Variants in OSBP observed in about 807,000 individuals in gnomAD.
The protein encoded by OSBP is oxysterol-binding protein 1.
In OSBP, 32 loss-of-function variants were observed where a neutral mutation model predicts 96.6. That is an observed-to-expected ratio of 0.33 (90% CI 0.25 to 0.45). OSBP has a LOEUF of 0.45. Ranked by LOEUF, OSBP falls within the 20% of genes least tolerant of loss-of-function variation. The pLI is 1.00. For synonymous variants in OSBP, 369 were observed against 389.6 expected (o/e 0.95, Z 0.62); for missense variants, 653 against 1,029.7 (o/e 0.63, Z 5.01).
At position 59,576,808 on chromosome 11, in the gene OSBP, C is replaced by T. The variant is rs779715318; in HGVS notation, c.2278G>A (p.Asp760Asn). 1.2e-6 allele frequency: 2 copies of T among 1,613,906 alleles called. No homozygotes were observed. The highest frequency in any genetic ancestry group is 1.3e-5 in the African/African-American group (1 of 74,878). ...REAEAMKATEDGTPYDPYKAL... is the reference protein window; with the variant it reads ...REAEAMKATENGTPYDPYKAL... ...GAGTAGAAGGGAAGTTCATTACCATCCTCTGTGGCTTTCATAGCTTCCGCT... is the reference window on the plus strand; with the variant it reads ...GAGTAGAAGGGAAGTTCATTACCATTCTCTGTGGCTTTCATAGCTTCCGCT... Residue 760 changes from aspartate (D) to asparagine (N), a missense_variant, in exon 13 of 14, where the codon GAT (aspartate) becomes AAT (asparagine). Asp to Asn is a conservative substitution (Grantham distance 23). Coordinates refer to ENST00000263847, the MANE Select transcript of OSBP (RefSeq NM_002556.3).
intron 7 of OSBP, among the ~76,000 whole-genome samples, chr11:59,597,608 T>C (rs1416203340): frequency 1.3e-5 from 2 of 152,156 alleles, no homozygotes; most frequent in Admixed American, 1.3e-4. Flanking sequence ...GGTGAGATCA[T>C]GGCTCACTGC....
In OSBP at chr11:59,585,627, A is replaced by C. The variant is rs373320826; in HGVS notation, c.1679-4073T>G. On this transcript the variant is annotated intron_variant, in intron 9 of 13. Coordinates refer to ENST00000263847, the MANE Select transcript of OSBP (RefSeq NM_002556.3). Reference sequence around the variant, plus strand: ...GCCCAGCCGCCCCTACTGGGAAGTGAGGAGCCCCTCTGCCAGGCCACCACC... The same window carrying C: ...GCCCAGCCGCCCCTACTGGGAAGTGCGGAGCCCCTCTGCCAGGCCACCACC... Among the ~76,000 whole-genome samples, 218 of 152,270 alleles carry C rather than the reference A, an allele frequency of 1.4e-3. 4 individuals carry two copies. In the East Asian group the frequency reaches 0.039, roughly 27 times the overall value.
chr11:59,602,908 C>G (rs1185173161), intron 3 of OSBP, among the ~76,000 whole-genome samples: 1 of 152,264 alleles, frequency 6.6e-6, no homozygotes, highest in African/African-American at 2.4e-5. Context: ...GCATGAGCCA[C>G]TGTGCCCAGT....
At chr11:59,601,004 T>G in intron 5 of OSBP, 131 bp from the exon 6 acceptor site, 1 of 756,616 alleles carries the variant, frequency 1.3e-6, no homozygotes. Context: ...AATGACGACA[T>G]TTAGAGTAGG....
chr11:59,581,153 GA>G (rs1347820039), intron 10 of OSBP, among the ~76,000 whole-genome samples: 1 of 152,154 alleles, frequency 6.6e-6, no homozygotes, highest in Non-Finnish European at 1.5e-5. Context: ...GATGAATAAT[GA>G]AAGGATTAAG....
At chr11:59,604,997 C>CA (rs1231564803) in intron 3 of OSBP, among the ~76,000 whole-genome samples, 2 of 150,756 alleles carry the variant, frequency 1.3e-5, no homozygotes, top group East Asian at 4.0e-4. Flanking sequence ...ACTAAAAACA[C>CA]AAAAAATTAG....
At chr11:59,581,301 AG>A (rs1860417359) in intron 10 of OSBP, 149 bp downstream of exon 10, 1 of 433,310 alleles carries the variant, frequency 2.3e-6, no homozygotes, top group African/African-American at 2.0e-5. Context: ...AGTTAGAGGT[AG>A]GGCTACTGCC....
intron 10 of OSBP, among the ~76,000 whole-genome samples, 177 bp downstream of exon 10, chr11:59,581,274 G>A (rs1193374646): frequency 6.6e-6 from 1 of 152,216 alleles, no homozygotes; most frequent in Non-Finnish European, 1.5e-5. Context: ...ATAATTTGTG[G>A]TACAGAAAAC....
At chr11:59,590,961 G>A (rs926714594) in intron 9 of OSBP, among the ~76,000 whole-genome samples, 1 of 152,072 alleles carries the variant, frequency 6.6e-6, no homozygotes, top group Admixed American at 6.6e-5. Context: ...ATGAAGATGG[G>A]GATTTTTGTT....
chr11:59,593,641 G>C lies in OSBP; in HGVS notation c.1641C>G (p.Ser547Arg). The C allele has an allele frequency of 6.2e-7, 1 of 1,614,042 alleles. No individual in the cohort carries two copies. Among genetic ancestry groups the C allele is most frequent in the Non-Finnish European group, 8.5e-7 (1 of 1,179,916 alleles). ...WTLRQEIKIT[S>R]KFRGKYLSIM... is the part of the protein sequence containing the mutation. ...TGGAGAGGTATTTGCCTCGAAACTT[G>C]CTGGTGATTTTGATTTCCTGACGCA... Residue 547 changes from serine (S) to arginine (R), a missense_variant, in exon 9 of 14, where the codon AGC (serine) becomes AGG (arginine). Physicochemically the swap from Ser to Arg is moderately radical, Grantham distance 110. Transcript: ENST00000263847.
intron 10 of OSBP, 105 bp downstream of exon 10, chr11:59,581,346 A>C: frequency 1.9e-6 from 1 of 533,900 alleles, no homozygotes; most frequent in East Asian, 2.9e-5. Flanking sequence ...CTGATGAATC[A>C]GTAGCAACAT....
intron 9 of OSBP, among the ~76,000 whole-genome samples, chr11:59,583,643 T>TTTTTTTTG (rs1860452944): frequency 7.4e-6 from 1 of 135,176 alleles, no homozygotes; most frequent in Non-Finnish European, 1.6e-5. Flanking sequence ...TGTTTTTTTT[T>TTTTTTTTG]TTTTTTTTTT....
intron 2 of OSBP, among the ~76,000 whole-genome samples, chr11:59,608,967 C>T (rs868628598): frequency 3.3e-5 from 5 of 152,204 alleles, no homozygotes; most frequent in Middle Eastern, 3.2e-3. Context: ...CCCCTAGAGA[C>T]TTCAATTTAG....
At chr11:59,585,387 A>C (rs1465700537) in intron 9 of OSBP, among the ~76,000 whole-genome samples, 7 of 144,396 alleles carry the variant, frequency 4.8e-5, no homozygotes, top group Non-Finnish European at 3.0e-5. Flanking sequence ...AAGTGAGGAG[A>C]CCTCGCCCGG....
Position 59,610,586 on chromosome 11 carries a change from T to C in OSBP, c.366A>G (p.Ser122=). 6.2e-7 allele frequency: 1 copy of C among 1,611,386 alleles called. No homozygotes were observed. Among genetic ancestry groups the C allele is most frequent in the Middle Eastern group, 1.7e-4 (1 of 6,058 alleles). The change falls in exon 2 of 14, where the codon TCA becomes TCG. Residue 122 remains serine (S), a synonymous_variant. Transcript: ENST00000263847. ...GGCAGGTATGTCTCATTTCTGCCTT[T>C]GATCTGTAATAACAAGACAAAGACA... ...LSNGLLSYYR[S]KAEMRHTCRG...
intron 3 of OSBP, among the ~76,000 whole-genome samples, chr11:59,603,254 A>G (rs556012073): frequency 9.2e-5 from 14 of 152,344 alleles, no homozygotes; most frequent in Admixed American, 9.1e-4. Context: ...TGCTCTGTAC[A>G]TAATAGGGAT....
At position 59,601,637 on chromosome 11, in the gene OSBP, T is replaced by C. The variant is rs777693352; in HGVS notation, c.1021+3A>G. On this transcript the variant is annotated splice_donor_region_variant and intron_variant, in intron 4 of 13. Transcript: ENST00000263847. ...CAGGCTACCTGAGAGCTAAGTGTCT[T>C]ACCTTTACCAGAACCCACATTGCCA... The C allele has an allele frequency of 1.1e-5, 18 of 1,612,320 alleles. No homozygotes were observed. In the East Asian group the frequency reaches 3.8e-4, roughly 34 times the overall value.
Position 59,592,468 on chromosome 11 carries a change from G to A in OSBP, c.1678+1136C>T, listed in dbSNP as rs116032872. 3.8e-3 allele frequency among the ~76,000 whole-genome samples: 577 copies of A among 152,296 alleles called. 5 individuals carry two copies. The highest frequency in any genetic ancestry group is 0.012 in the African/African-American group (514 of 41,570). On this transcript the variant is annotated intron_variant, in intron 9 of 13. Transcript: ENST00000263847. ...TATTTAAGAACTGTAGCTATACCTC[G>A]TGAAAGACTAGAACCTGGAAATGGA...
At chr11:59,609,485 G>GAAAAAAA (rs1031021294) in intron 2 of OSBP, among the ~76,000 whole-genome samples, 3 of 98,306 alleles carry the variant, frequency 3.1e-5, no homozygotes, top group African/African-American at 3.8e-5. Context: ...CTAAAAGCAA[G>GAAAAAAA]AAAAAAAAAA....
Sources: gnomAD v4.1 joint callset for allele counts (sites outside exome capture counted in the v4.1 genomes callset) on GRCh38, gnomAD v4.1.1 for gene constraint, MANE v1.5 for transcripts, NCBI Gene and HGNC (gene_info 2026-07-23, HGNC 2026-07-21) for gene names.